Variants in ADGRL3 observed in about 807,000 individuals in gnomAD.
ADGRL3 encodes the protein calcium-independent alpha-latrotoxin receptor 3.
ADGRL3 carries 62 observed loss-of-function variants against 153.5 expected under a neutral mutation model. That is an observed-to-expected ratio of 0.40 (90% CI 0.33 to 0.50). The LOEUF is 0.50. ADGRL3 is among the 20% of genes least tolerant of loss of function. The pLI, the probability that ADGRL3 is intolerant of heterozygous loss-of-function variation, is 0.47. For synonymous variants in ADGRL3, 710 were observed against 672.5 expected (o/e 1.06, Z -0.86); for missense variants, 1,641 against 1,859.4 (o/e 0.88, Z 2.16).
chr4:61,970,202 G>A (rs2099021900), intron 17 of ADGRL3, among the ~76,000 whole-genome samples: 1 of 152,012 alleles, frequency 6.6e-6, no homozygotes, highest in South Asian at 2.1e-4. Context: ...AAATAAATAA[G>A]CTCTTCTAAT....
chr4:61,614,608 A>C (rs1288354104), intron 5 of ADGRL3, among the ~76,000 whole-genome samples: 1 of 152,126 alleles, frequency 6.6e-6, no homozygotes, highest in Non-Finnish European at 1.5e-5. Context: ...CTAATAGAGA[A>C]AGAAAATCCA....
At chr4:61,569,259 A>G (rs723120) in intron 4 of ADGRL3, among the ~76,000 whole-genome samples, 30,802 of 152,092 alleles carry the variant, frequency 0.2, 3,282 homozygotes, top group Non-Finnish European at 0.22. Flanking sequence ...TCACAATGCA[A>G]TTTATTTATA....
chr4:61,511,449 T>A (rs1198595697), intron 3 of ADGRL3, among the ~76,000 whole-genome samples: 1 of 152,212 alleles, frequency 6.6e-6, no homozygotes, highest in Non-Finnish European at 1.5e-5. Context: ...GTTTATCATG[T>A]CTAGGAACTT....
intron 5 of ADGRL3, among the ~76,000 whole-genome samples, chr4:61,657,348 C>T (rs1458029110): frequency 1.3e-5 from 2 of 151,992 alleles, no homozygotes; most frequent in South Asian, 2.1e-4. Flanking sequence ...CCCCCAAGAG[C>T]CCCAATTGCA....
intron 4 of ADGRL3, among the ~76,000 whole-genome samples, chr4:61,554,267 C>T (rs1023753277): frequency 5.3e-5 from 8 of 151,560 alleles, no homozygotes; most frequent in Non-Finnish European, 7.4e-5. Context: ...ATTCTTGGCT[C>T]ACTGCAACCT....
chr4:62,067,450 T>C (rs1171047541), intron 25 of ADGRL3, among the ~76,000 whole-genome samples: 5 of 152,052 alleles, frequency 3.3e-5, no homozygotes, highest in African/African-American at 1.2e-4. Flanking sequence ...CCTAATATTG[T>C]TGGTTGCGTT....
chr4:61,308,827 A>G (rs1426285372), intron 1 of ADGRL3, among the ~76,000 whole-genome samples: 1 of 152,190 alleles, frequency 6.6e-6, no homozygotes, highest in African/African-American at 2.4e-5. Flanking sequence ...GAAGGTCATG[A>G]AGTTAAAGAA....
chr4:61,898,525 G>A (rs1367606539), intron 11 of ADGRL3, among the ~76,000 whole-genome samples: 1 of 152,000 alleles, frequency 6.6e-6, no homozygotes, highest in Non-Finnish European at 1.5e-5. Context: ...TTGAGGAGAT[G>A]GTGTCTGATT....
At chr4:61,416,033 C>G (rs2097141128) in intron 2 of ADGRL3, among the ~76,000 whole-genome samples, 1 of 151,948 alleles carries the variant, frequency 6.6e-6, no homozygotes, top group African/African-American at 2.4e-5. Context: ...AAACATTCAC[C>G]TAGTTTCTCT....
intron 21 of ADGRL3, among the ~76,000 whole-genome samples, chr4:62,016,941 T>G (rs568311988): frequency 2.0e-5 from 3 of 152,154 alleles, no homozygotes; most frequent in African/African-American, 7.2e-5. Flanking sequence ...TTCTTTTTGT[T>G]TTGTTGCTAT....
intron 1 of ADGRL3, among the ~76,000 whole-genome samples, chr4:61,282,532 T>G (rs1383293262): frequency 6.6e-6 from 1 of 151,966 alleles, no homozygotes; most frequent in Admixed American, 6.6e-5. Context: ...AGGCAGGAAG[T>G]TAGATTTATA....
intron 9 of ADGRL3, among the ~76,000 whole-genome samples, chr4:61,876,286 TTG>T (rs199525429): frequency 0.31 from 32,768 of 104,606 alleles, 3,941 homozygotes; most frequent in East Asian, 0.39. Flanking sequence ...TTATCCAATT[TTG>T]TTTTTTTTTT....
At chr4:62,059,082 T>G (rs1306682285) in intron 25 of ADGRL3, among the ~76,000 whole-genome samples, 1 of 152,206 alleles carries the variant, frequency 6.6e-6, no homozygotes, top group Non-Finnish European at 1.5e-5. Context: ...ACCTAGTGAA[T>G]GTGGACTGTA....
At chr4:61,543,590 AAACTT>A (rs1188663353) in intron 4 of ADGRL3, among the ~76,000 whole-genome samples, 1 of 152,170 alleles carries the variant, frequency 6.6e-6, no homozygotes, top group African/African-American at 2.4e-5. Flanking sequence ...GCGCAATAGA[AAACTT>A]AATACATTCT....
intron 21 of ADGRL3, among the ~76,000 whole-genome samples, chr4:62,008,376 A>C (rs544006905): frequency 6.6e-6 from 1 of 152,264 alleles, no homozygotes; most frequent in Non-Finnish European, 1.5e-5. Flanking sequence ...TAGGCAAAAG[A>C]GTATGGGGTA....
chr4:61,854,815 A>C (rs2149200141), intron 9 of ADGRL3, among the ~76,000 whole-genome samples: 1 of 152,314 alleles, frequency 6.6e-6, no homozygotes, highest in Admixed American at 6.5e-5. Flanking sequence ...AAGTCAGATT[A>C]ATAGTACTTA....
intron 1 of ADGRL3, among the ~76,000 whole-genome samples, chr4:61,244,463 T>C (rs1244870274): frequency 6.6e-6 from 1 of 152,086 alleles, no homozygotes; most frequent in East Asian, 1.9e-4. Context: ...AATAGATTTA[T>C]GCATGTGTAA....
At chr4:61,592,901 G>C (rs2149421032) in intron 5 of ADGRL3, among the ~76,000 whole-genome samples, 1 of 152,186 alleles carries the variant, frequency 6.6e-6, no homozygotes, top group African/African-American at 2.4e-5. Context: ...CTCAAAGCAT[G>C]GTTCATGGAA....
chr4:61,282,680 C>T (rs998082487), intron 1 of ADGRL3, among the ~76,000 whole-genome samples: 1 of 151,816 alleles, frequency 6.6e-6, no homozygotes, highest in African/African-American at 2.4e-5. Flanking sequence ...CCTATACATA[C>T]AAATCTTTTT....
Sources: allele counts gnomAD v4.1 joint callset (sites outside exome capture counted in the v4.1 genomes callset), GRCh38; gene constraint gnomAD v4.1.1; transcripts MANE v1.5; gene names NCBI Gene and HGNC (gene_info 2026-07-23, HGNC 2026-07-21).